Variants in CEP43 observed in about 807,000 individuals in gnomAD.
The protein encoded by CEP43 is FGFR1 oncogene partner.
In CEP43, 36 loss-of-function variants were observed where a neutral mutation model predicts 52.6. The observed-to-expected ratio is 0.68, with a 90% CI of 0.52 to 0.90. The LOEUF is 0.90. CEP43 is among the 40% of genes least tolerant of loss of function. The probability of loss-of-function intolerance (pLI) is 0.00; values close to 1 mark genes in which losing one functional copy is unlikely to be tolerated. For synonymous variants in CEP43, 192 were observed against 172.4 expected, an observed-to-expected ratio of 1.11 and a Z score of -0.89; for missense variants, 506 against 472.8, an observed-to-expected ratio of 1.07 and a Z score of -0.65.
chr6:167,020,498 C>G (rs576371315), intron 7 of CEP43, among the ~76,000 whole-genome samples: 6 of 152,364 alleles, frequency 3.9e-5, no homozygotes, highest in African/African-American at 1.4e-4. Context: ...GTAGTTACTA[C>G]TCTTTAATTC....
intron 2 of CEP43, among the ~76,000 whole-genome samples, chr6:167,000,934 G>C (rs1779720919): frequency 6.6e-6 from 1 of 152,236 alleles, no homozygotes; most frequent in South Asian, 2.1e-4. Flanking sequence ...TTGGAGAAGA[G>C]TCAGTCAATC....
At chr6:167,027,931 C>CT (rs1356061253) in intron 10 of CEP43, 4 of 985,786 alleles carry the variant, frequency 4.1e-6, no homozygotes, top group Non-Finnish European at 4.8e-6. Context: ...GTCCTGGTAA[C>CT]TGAGTTGCTG....
Position 167,042,839 on chromosome 6 carries a change from T to TGTGTGTGTGTGTGTG in CEP43, c.*2861_*2862insGTGTGTGTGTGTGTG, listed in dbSNP as rs1554277254. On this transcript the variant is annotated 3_prime_UTR_variant, in exon 13 of 13. Transcript: ENST00000366847. ...TTGTGTGTGTGTGTGTGTGTGTGTGTTTAACTATGAGCTCGTGAGAACAGG... is the reference window on the plus strand; with the variant it reads ...TTGTGTGTGTGTGTGTGTGTGTGTGTGTGTGTGTGTGTGTGTTAACTATGAGCTCGTGAGAACAGG... The TGTGTGTGTGTGTGTG allele has an allele frequency of 8.5e-5, 13 of 153,084 alleles. No homozygotes were observed. Among genetic ancestry groups the TGTGTGTGTGTGTGTG allele is most frequent in the Admixed American group, 1.3e-4 (2 of 15,224 alleles). The allele number at this position is 153,084 out of a possible 1,614,324, so 9.5% of individuals were successfully genotyped here.
In CEP43 at chr6:167,049,923, T is replaced by C. The variant is rs1383828742; in HGVS notation, c.*9945T>C. 2.0e-5 allele frequency: 3 copies of C among 152,250 alleles called. No homozygotes were observed. Among genetic ancestry groups the C allele is most frequent in the Non-Finnish European group, 4.4e-5 (3 of 68,046 alleles). 9.4% of individuals were successfully genotyped at this position (152,250 alleles called of 1,614,324 possible). On this transcript the variant is annotated 3_prime_UTR_variant, in exon 13 of 13. Transcript: ENST00000366847. ...AGACATTCTGGCAGGTGTGACATTG[T>C]ATCTCTTGTGGTTTAGATTTGCATT...
At chr6:167,038,112 A>C (rs780657592) in intron 12 of CEP43, among the ~76,000 whole-genome samples, 2 of 152,248 alleles carry the variant, frequency 1.3e-5, no homozygotes, top group Non-Finnish European at 2.9e-5. Flanking sequence ...TTATGCTTAC[A>C]TATCTATTAA....
Position 167,045,401 on chromosome 6 carries a change from G to A in CEP43, c.*5423G>A, listed in dbSNP as rs1257265884. 1 of 149,680 alleles carries A rather than the reference G, an allele frequency of 6.7e-6. No individual in the cohort carries two copies. The highest frequency in any genetic ancestry group is 2.4e-5 in the African/African-American group (1 of 40,934). The allele number at this position is 149,680 out of a possible 1,614,324, so 9.3% of individuals were successfully genotyped here. A position where few individuals can be genotyped will look rare whatever the true frequency, so the allele number is the denominator to read the frequency against. On this transcript the variant is annotated 3_prime_UTR_variant, in exon 13 of 13. Coordinates refer to ENST00000366847, the MANE Select transcript of CEP43 (RefSeq NM_007045.4). ...GCCTCCCAAAGTGCTGGGATTACAGGCATGAGCCACTGTACCCAGCCCTGT... is the reference window on the plus strand; with the variant it reads ...GCCTCCCAAAGTGCTGGGATTACAGACATGAGCCACTGTACCCAGCCCTGT...
Position 167,041,560 on chromosome 6 carries a change from C to G in CEP43, c.*1582C>G, listed in dbSNP as rs1297966234. 1.9e-6 allele frequency: 2 copies of G among 1,049,740 alleles called. No homozygotes were observed. Among genetic ancestry groups the G allele is most frequent in the East Asian group, 5.5e-5 (1 of 18,240 alleles). The allele number at this position is 1,049,740 out of a possible 1,614,324, so 65.0% of individuals were successfully genotyped here. On this transcript the variant is annotated 3_prime_UTR_variant, in exon 13 of 13. Transcript: ENST00000366847. ...AGTCATCTCTGTAAACAGTCACTTT[C>G]TAAAAGCACTATAGTTCTGGTCCCC...
intron 11 of CEP43, 71 bp downstream of exon 11, chr6:167,032,713 A>G: frequency 2.2e-6 from 3 of 1,333,454 alleles, no homozygotes; most frequent in Non-Finnish European, 2.1e-6. Flanking sequence ...CACAGACAAG[A>G]CAAAATTACA....
intron 7 of CEP43, among the ~76,000 whole-genome samples, chr6:167,019,283 C>T (rs1011629928): frequency 6.8e-6 from 1 of 148,060 alleles, no homozygotes; most frequent in Non-Finnish European, 1.5e-5. Context: ...CACACACATA[C>T]ACCTGCTGTG....
At chr6:166,999,623 G>A (rs893242224) in intron 1 of CEP43, 109 bp downstream of exon 1, 24 of 807,400 alleles carry the variant, frequency 3.0e-5, no homozygotes, top group Non-Finnish European at 3.8e-5. Context: ...AGGGACCGGG[G>A]CCGGCGGGCA....
chr6:167,032,178 G>A (rs1012271582), intron 10 of CEP43, among the ~76,000 whole-genome samples: 4 of 152,330 alleles, frequency 2.6e-5, no homozygotes, highest in Admixed American at 2.6e-4. Flanking sequence ...TATTTGCTGT[G>A]CTTCATGGCC....
intron 5 of CEP43, among the ~76,000 whole-genome samples, chr6:167,010,284 C>G (rs770978607): frequency 6.6e-6 from 1 of 152,108 alleles, no homozygotes; most frequent in Non-Finnish European, 1.5e-5. Context: ...ACAGATGACT[C>G]CTGTGGAAGT....
chr6:167,042,073 T>A lies in CEP43; in HGVS notation c.*2095T>A. ...TCCTGACCTCGTTCCTGCCTTAGCC[T>A]CCTAAAGTGCCGGGATTACAGGCGT... On this transcript the variant is annotated 3_prime_UTR_variant, in exon 13 of 13. Coordinates refer to ENST00000366847, the MANE Select transcript of CEP43 (RefSeq NM_007045.4). 1 of 902,810 alleles carries A rather than the reference T, an allele frequency of 1.1e-6. No homozygotes were observed. Among genetic ancestry groups the A allele is most frequent in the Non-Finnish European group, 1.3e-6 (1 of 748,222 alleles). The allele number at this position is 902,810 out of a possible 1,614,324, so 55.9% of individuals were successfully genotyped here. A position where few individuals can be genotyped will look rare whatever the true frequency, so the allele number is the denominator to read the frequency against.
rs1170970034 is a variant in CEP43 at position 167,051,455 on chromosome 6, T to G, written c.*11477T>G. On this transcript the variant is annotated 3_prime_UTR_variant, in exon 13 of 13. Coordinates refer to ENST00000366847, the MANE Select transcript of CEP43 (RefSeq NM_007045.4). The stretch of plus-strand genomic sequence containing the variant: ...ACCAAGGGCAATTTGGAGATTAAAG[T>G]CAAGATGGAGTTGGTTAGATCAGAT... 1 of 152,316 alleles carries G rather than the reference T, an allele frequency of 6.6e-6. No homozygotes were observed. The highest frequency in any genetic ancestry group is 2.4e-5 in the African/African-American group (1 of 41,452). 9.4% of individuals were successfully genotyped at this position (152,316 alleles called of 1,614,324 possible). A position where few individuals can be genotyped will look rare whatever the true frequency, so the allele number is the denominator to read the frequency against.
chr6:167,040,081 G>A lies in CEP43; in HGVS notation c.*103G>A, dbSNP rs188945337. Reference sequence around the variant, plus strand: ...TCAGCTGGAATGTCTGCTCTCTATTGGTGCCTTGCATTTCAAAAACACTGC... The same window carrying A: ...TCAGCTGGAATGTCTGCTCTCTATTAGTGCCTTGCATTTCAAAAACACTGC... On this transcript the variant is annotated 3_prime_UTR_variant, in exon 13 of 13. Coordinates refer to ENST00000366847, the MANE Select transcript of CEP43 (RefSeq NM_007045.4). The A allele has an allele frequency of 3.2e-5, 52 of 1,607,606 alleles. No homozygotes were observed. The Admixed American group carries it at 8.3e-4, about 26-fold the overall frequency.
At chr6:167,033,757 A>G (rs1780523787) in intron 11 of CEP43, 118 bp from the exon 12 acceptor site, 1 of 476,492 alleles carries the variant, frequency 2.1e-6, no homozygotes, top group Admixed American at 3.8e-5. Flanking sequence ...AATTAATTAT[A>G]GTTAATATTA....
Position 167,024,806 on chromosome 6 carries a change from A to G in CEP43, c.831A>G (p.Ala277=). The stretch of plus-strand genomic sequence containing the variant: ...GGAGGAAGGAACCTAGGAAGCAAGC[A>G]GGAAGTCTGGCCTCGCTCTCGGATG... The part of the protein sequence containing the change: ...YGLRKEPRKQ[A]GSLASLSDAP... Residue 277 remains alanine (A), a synonymous_variant, in exon 9 of 13, where the codon GCA becomes GCG. Transcript: ENST00000366847. 1 of 1,613,666 alleles carries G rather than the reference A, an allele frequency of 6.2e-7. No homozygotes were observed. Among genetic ancestry groups the G allele is most frequent in the Non-Finnish European group, 8.5e-7 (1 of 1,179,688 alleles).
chr6:167,032,651 A>T lies in CEP43; in HGVS notation c.1028+9A>T, dbSNP rs1298949894. On this transcript the variant is annotated intron_variant, in intron 11 of 12. Transcript: ENST00000366847. The stretch of plus-strand genomic sequence containing the variant: ...GTTGATGATTTTAATAGGTAAGAAA[A>T]ACTATTGGGCAAATATATAAATATA... The T allele has an allele frequency of 3.8e-6, 6 of 1,569,062 alleles. No individual in the cohort carries two copies. Among genetic ancestry groups the T allele is most frequent in the Non-Finnish European group, 5.2e-6 (6 of 1,151,734 alleles).
chr6:167,009,145 G>T (rs967874229), intron 5 of CEP43, among the ~76,000 whole-genome samples: 1 of 151,066 alleles, frequency 6.6e-6, no homozygotes, highest in African/African-American at 2.4e-5. Flanking sequence ...TAATCCCAGC[G>T]CTTTGGGAGG....
Sources: allele counts gnomAD v4.1 joint callset (sites outside exome capture counted in the v4.1 genomes callset), GRCh38; gene constraint gnomAD v4.1.1; transcripts MANE v1.5; gene names NCBI Gene and HGNC (gene_info 2026-07-23, HGNC 2026-07-21).